Variants in EPS15L1 observed in about 807,000 individuals in gnomAD.
EPS15L1 encodes epidermal growth factor receptor substrate 15-like 1.
Under a neutral mutation model 117.1 loss-of-function variants are expected in EPS15L1, and 43 were observed. The ratio of observed to expected loss-of-function variants is 0.37; its 90% CI spans 0.29 to 0.47. The LOEUF is 0.47. Ranked by LOEUF, EPS15L1 falls within the 20% of genes least tolerant of loss-of-function variation. EPS15L1 has a pLI of 0.99. For missense variants in EPS15L1, 981 were observed against 1,164.0 expected (o/e 0.84, Z 2.29); for synonymous variants, 459 against 470.5 (o/e 0.98, Z 0.32).
chr19:16,447,798 T>C (rs1405266277), intron 1 of EPS15L1, among the ~76,000 whole-genome samples: 3 of 150,672 alleles, frequency 2.0e-5, no homozygotes, highest in Non-Finnish European at 4.4e-5. Flanking sequence ...AAAACAATTC[T>C]GAAAAAGAAT....
intron 21 of EPS15L1, among the ~76,000 whole-genome samples, chr19:16,384,621 C>A (rs968638093): frequency 6.6e-6 from 1 of 152,166 alleles, no homozygotes; most frequent in Non-Finnish European, 1.5e-5. Flanking sequence ...TGGTAACCAG[C>A]CTCGCTGCTG....
At chr19:16,465,604 G>C (rs1329173817) in intron 1 of EPS15L1, among the ~76,000 whole-genome samples, 1 of 152,102 alleles carries the variant, frequency 6.6e-6, no homozygotes, top group Non-Finnish European at 1.5e-5. Context: ...GCTCACTTGA[G>C]GCCAAGAGTC....
chr19:16,433,653 A>G (rs557373977), intron 7 of EPS15L1, among the ~76,000 whole-genome samples: 58 of 152,004 alleles, frequency 3.8e-4, no homozygotes, highest in African/African-American at 1.4e-3. Flanking sequence ...GTGAGACCCC[A>G]TCTCTAAAAA....
intron 5 of EPS15L1, 101 bp downstream of exon 5, chr19:16,437,669 G>A (rs2092991318): frequency 1.2e-6 from 1 of 816,334 alleles, no homozygotes; most frequent in Non-Finnish European, 2.1e-6. Flanking sequence ...GGGAAGGCTA[G>A]AGAAAACATG....
intron 22 of EPS15L1, among the ~76,000 whole-genome samples, chr19:16,369,567 T>C (rs906730637): frequency 6.6e-6 from 1 of 151,996 alleles, no homozygotes; most frequent in African/African-American, 2.4e-5. Context: ...AAGGCAAATA[T>C]CATTTGAAGT....
intron 13 of EPS15L1, chr19:16,412,619 C>T (rs2092716577): frequency 6.8e-6 from 1 of 146,746 alleles, no homozygotes; most frequent in Non-Finnish European, 1.5e-5. Context: ...GAGACCCCAT[C>T]TCTATTTGGA....
intron 1 of EPS15L1, among the ~76,000 whole-genome samples, chr19:16,446,228 G>A (rs953494700): frequency 3.9e-5 from 6 of 152,122 alleles, no homozygotes; most frequent in Non-Finnish European, 8.8e-5. Context: ...GAACCACCTC[G>A]GAGGAGAAAC....
At chr19:16,452,543 C>A (rs572039222) in intron 1 of EPS15L1, among the ~76,000 whole-genome samples, 1 of 150,324 alleles carries the variant, frequency 6.7e-6, no homozygotes, top group Admixed American at 6.6e-5. Context: ...TTGCCTGAGG[C>A]CAGGAATTCC....
chr19:16,369,925 C>A (rs1237994604), intron 22 of EPS15L1, among the ~76,000 whole-genome samples: 1 of 152,236 alleles, frequency 6.6e-6, no homozygotes, highest in Non-Finnish European at 1.5e-5. Context: ...TATGCATGAG[C>A]CAGGCACGGG....
chr19:16,446,539 AG>A (rs2093085103), intron 1 of EPS15L1, among the ~76,000 whole-genome samples: 1 of 152,186 alleles, frequency 6.6e-6, no homozygotes, highest in African/African-American at 2.4e-5. Context: ...GCTAAAGGGC[AG>A]GTAATATTAC....
chr19:16,398,514 C>CCCA (rs2092563619), intron 16 of EPS15L1, among the ~76,000 whole-genome samples: 1 of 152,020 alleles, frequency 6.6e-6, no homozygotes, highest in Non-Finnish European at 1.5e-5. Flanking sequence ...AGCCAGGAGG[C>CCCA]CCACGTGGAA....
chr19:16,448,085 G>C (rs185239823), intron 1 of EPS15L1, among the ~76,000 whole-genome samples: 4 of 152,246 alleles, frequency 2.6e-5, no homozygotes, highest in Admixed American at 2.0e-4. Flanking sequence ...CTTATGCCTC[G>C]TACAAAATGT....
chr19:16,440,729 G>A (rs370455852), intron 4 of EPS15L1, 133 bp downstream of exon 4: 27 of 693,198 alleles, frequency 3.9e-5, no homozygotes, highest in Admixed American at 1.2e-4. Context: ...AAAACTTCCC[G>A]TGTTAAGTTT....
At chr19:16,413,897 C>T in intron 12 of EPS15L1, 52 bp from the exon 13 acceptor site, 4 of 1,414,144 alleles carry the variant, frequency 2.8e-6, no homozygotes, top group South Asian at 2.3e-5. Context: ...TAAGCCTCCA[C>T]CCCTTCCCAA....
At chr19:16,394,078 A>G in intron 17 of EPS15L1, 77 bp from the exon 18 acceptor site, 5 of 1,302,348 alleles carry the variant, frequency 3.8e-6, no homozygotes, top group Non-Finnish European at 5.6e-6. Flanking sequence ...ACAGCCACCC[A>G]CCTCCCAAGC....
chr19:16,429,433 C>T lies in EPS15L1; in HGVS notation c.499-672G>A, dbSNP rs905689365. 7.2e-5 allele frequency among the ~76,000 whole-genome samples: 11 copies of T among 152,328 alleles called. No homozygotes were observed. In the East Asian group the frequency reaches 1.2e-3, roughly 16 times the overall value. ...CAGTCCCCGGATCTAAGCAGATGCC[C>T]GTGGCTCTATCCATGATGCTTCATG... On this transcript the variant is annotated intron_variant, in intron 7 of 23. Transcript: ENST00000455140.
intron 9 of EPS15L1, among the ~76,000 whole-genome samples, chr19:16,424,384 A>G (rs560441514): frequency 2.7e-4 from 41 of 152,146 alleles, no homozygotes; most frequent in Non-Finnish European, 5.7e-4. Context: ...TCTTGAGAGA[A>G]CCACCAGAAG....
At chr19:16,469,535 T>A (rs996004903) in intron 1 of EPS15L1, among the ~76,000 whole-genome samples, 5 of 151,398 alleles carry the variant, frequency 3.3e-5, no homozygotes, top group African/African-American at 1.2e-4. Context: ...GAAAAAAAAA[T>A]CACTCCTAAA....
At chr19:16,450,277 G>A (rs1385392588) in intron 1 of EPS15L1, among the ~76,000 whole-genome samples, 2 of 151,794 alleles carry the variant, frequency 1.3e-5, no homozygotes, top group South Asian at 2.1e-4. Context: ...CCTTGATTCC[G>A]TGCTCTGATG....
Sources: gnomAD v4.1 joint callset for allele counts (sites outside exome capture counted in the v4.1 genomes callset) on GRCh38, gnomAD v4.1.1 for gene constraint, MANE v1.5 for transcripts, NCBI Gene and HGNC (gene_info 2026-07-23, HGNC 2026-07-21) for gene names.